The following GBF1 variants were observed in gnomAD, a reference collection of about 807,000 sequenced individuals.
GBF1 encodes the protein golgi brefeldin A resistant guanine nucleotide exchange factor 1.
GBF1 carries 114 observed loss-of-function variants against 210.5 expected under a neutral mutation model. That is an observed-to-expected ratio of 0.54 (90% CI 0.47 to 0.63). GBF1 has a LOEUF of 0.63. GBF1 is among the 30% of genes least tolerant of loss of function. The pLI, the probability that GBF1 is intolerant of heterozygous loss-of-function variation, is 0.00. For synonymous variants in GBF1, 850 were observed against 889.2 expected, an observed-to-expected ratio of 0.96 and a Z score of 0.78; for missense variants, 1,851 against 2,357.7, an observed-to-expected ratio of 0.79 and a Z score of 4.45.
At chr10:102,231,119 A>G in the GBF1 span, 2 of 1,517,554 alleles carry the variant, frequency 1.3e-6, no homozygotes, top group Non-Finnish European at 1.8e-6. Flanking sequence ...CACGGGAGAA[A>G]GGCGGTCAGG....
chr10:102,350,350 CAAAA>C (rs1308821730), intron 4 of GBF1, among the ~76,000 whole-genome samples: 1 of 118,306 alleles, frequency 8.5e-6, no homozygotes. Flanking sequence ...ACTCCATCTC[CAAAA>C]AAAAAAAAAA....
intron 17 of GBF1, among the ~76,000 whole-genome samples, chr10:102,364,438 G>A (rs144997108): frequency 0.026 from 3,911 of 149,544 alleles, 75 homozygotes; most frequent in Non-Finnish European, 0.038. Flanking sequence ...GTTAGCCAGG[G>A]TGGTCTTGAT....
chr10:102,317,133 CATTT>C (rs1171323533), intron 3 of GBF1, among the ~76,000 whole-genome samples: 1 of 151,842 alleles, frequency 6.6e-6, no homozygotes, highest in Non-Finnish European at 1.5e-5. Flanking sequence ...TAAAAAATAA[CATTT>C]AGTAGTAATA....
intron 3 of GBF1, among the ~76,000 whole-genome samples, chr10:102,296,261 C>G (rs565539562): frequency 6.6e-6 from 1 of 152,324 alleles, no homozygotes; most frequent in African/African-American, 2.4e-5. Flanking sequence ...GCCCAACTGA[C>G]TTAAATAAGA....
chr10:102,290,490 T>TATTTTTA (rs1384666256), intron 3 of GBF1, among the ~76,000 whole-genome samples: 6 of 152,058 alleles, frequency 3.9e-5, no homozygotes, highest in Non-Finnish European at 5.9e-5. Flanking sequence ...TTCTTTTTTA[T>TATTTTTA]ATTTTTAATT....
chr10:102,350,265 G>A (rs530100034), intron 4 of GBF1, among the ~76,000 whole-genome samples: 4 of 151,686 alleles, frequency 2.6e-5, no homozygotes, highest in South Asian at 2.1e-4. Flanking sequence ...CAGGAGAATC[G>A]CTTGAACCTA....
intron 3 of GBF1, among the ~76,000 whole-genome samples, chr10:102,319,766 T>C (rs560499310): frequency 6.7e-6 from 1 of 150,248 alleles, no homozygotes; most frequent in African/African-American, 2.4e-5. Flanking sequence ...TTCACTCATG[T>C]CGCCCAGGCT....
chr10:102,365,099 T>C lies in GBF1; in HGVS notation c.2107-298T>C, dbSNP rs1317555820. 2.6e-5 allele frequency among the ~76,000 whole-genome samples: 4 copies of C among 152,178 alleles called. No individual in the cohort carries two copies. In the East Asian group the frequency reaches 7.7e-4, roughly 29 times the overall value. ...ATGGATATAAAACTGGAGAGAAGAATTACCTAGTTTCTTTCTTCTACTTTT... is the reference window on the plus strand; with the variant it reads ...ATGGATATAAAACTGGAGAGAAGAACTACCTAGTTTCTTTCTTCTACTTTT... On this transcript the variant is annotated intron_variant, in intron 17 of 39. Coordinates refer to ENST00000369983, the MANE Select transcript of GBF1 (RefSeq NM_001377137.1).
In GBF1 at chr10:102,379,279, C is replaced by G; in HGVS notation, c.4495-5C>G. ...CTCACATCCTGCCCCCTCCTGTGAT[C>G]CTAGTTGCTAGACCTGATGCACACC... On this transcript the variant is annotated splice_region_variant and splice_polypyrimidine_tract_variant and intron_variant, in intron 33 of 39. Coordinates refer to ENST00000369983, the MANE Select transcript of GBF1 (RefSeq NM_001377137.1). 6.2e-7 allele frequency: 1 copy of G among 1,611,460 alleles called. No homozygotes were observed. Among genetic ancestry groups the G allele is most frequent in the Non-Finnish European group, 8.5e-7 (1 of 1,178,910 alleles).
intron 3 of GBF1, among the ~76,000 whole-genome samples, chr10:102,328,285 G>A (rs1459344094): frequency 1.3e-5 from 2 of 152,150 alleles, no homozygotes; most frequent in African/African-American, 4.8e-5. Context: ...TTGAACCCAG[G>A]AGTTCAAAAC....
chr10:102,318,702 C>A (rs2056088437), intron 3 of GBF1, among the ~76,000 whole-genome samples: 1 of 152,044 alleles, frequency 6.6e-6, no homozygotes, highest in Admixed American at 6.6e-5. Flanking sequence ...CCTCCCTAAA[C>A]TCTTTTAGCT....
intron 3 of GBF1, among the ~76,000 whole-genome samples, chr10:102,289,927 T>C (rs376893790): frequency 6.6e-6 from 1 of 151,104 alleles, no homozygotes; most frequent in African/African-American, 2.4e-5. Context: ...CTGGGCAACA[T>C]AGTGGGACCC....
intron 3 of GBF1, among the ~76,000 whole-genome samples, chr10:102,337,038 T>C (rs903007718): frequency 6.6e-6 from 1 of 152,166 alleles, no homozygotes; most frequent in South Asian, 2.1e-4. Context: ...AATTGGACTT[T>C]ATGTTTTTAA....
At chr10:102,302,782 G>A (rs537930887) in intron 3 of GBF1, among the ~76,000 whole-genome samples, 3 of 152,134 alleles carry the variant, frequency 2.0e-5, no homozygotes, top group South Asian at 4.2e-4. Context: ...CATATCTCAG[G>A]CATGCTACTG....
Position 102,380,673 on chromosome 10 carries a change from G to C in GBF1, c.5160G>C (p.Gln1720His), listed in dbSNP as rs758179538. ...ACCTACGAGATGAACTCTTCAAGCA[G>C]ACCGTCATCCAGGGTAGGGGGCTCA... The part of the protein sequence containing the change: ...LPHLRDELFK[Q>H]TVIQDPMPME... Residue 1720 changes from glutamine (Q) to histidine (H), a missense_variant, in exon 38 of 40, where the codon CAG becomes CAC. By Grantham distance (24) the Gln-to-His change is conservative. This residue lies in a region of GBF1 where 967 missense variants were observed against 1,247.7 expected (regional missense o/e 0.78). Transcript: ENST00000369983. 6 of 1,610,384 alleles carry C rather than the reference G, an allele frequency of 3.7e-6. No homozygotes were observed. The East Asian group carries it at 1.1e-4, about 30-fold the overall frequency.
At chr10:102,372,142 C>T (rs564374911) in intron 29 of GBF1, among the ~76,000 whole-genome samples, 47 of 150,408 alleles carry the variant, frequency 3.1e-4, no homozygotes, top group African/African-American at 1.1e-3. Context: ...ACCTGGGAGG[C>T]GGAGGTTGCA....
chr10:102,337,866 G>A (rs2057876873), intron 3 of GBF1, among the ~76,000 whole-genome samples: 1 of 151,980 alleles, frequency 6.6e-6, no homozygotes, highest in South Asian at 2.1e-4. Context: ...CAAAAAGAAA[G>A]AAAGAAAGAA....
At chr10:102,243,601 G>T (rs1376694706), upstream of GBF1, among the ~76,000 whole-genome samples, 1 of 152,138 alleles carries the variant, frequency 6.6e-6, no homozygotes, top group African/African-American at 2.4e-5. Flanking sequence ...GGCTTTCCAG[G>T]ACCTCTCAAT....
intron 1 of GBF1, among the ~76,000 whole-genome samples, chr10:102,254,432 T>G (rs1386115179): frequency 6.6e-6 from 1 of 152,232 alleles, no homozygotes; most frequent in Non-Finnish European, 1.5e-5. Context: ...AGTTTTGCTT[T>G]TCATATTTAA....
Sources: allele counts gnomAD v4.1 joint callset (sites outside exome capture counted in the v4.1 genomes callset), GRCh38; gene constraint gnomAD v4.1.1; regional missense constraint gnomAD v4.1.1; transcripts MANE v1.5; gene names NCBI Gene and HGNC (gene_info 2026-07-23, HGNC 2026-07-21).